The following MFSD12 variants were observed in gnomAD, a reference collection of about 807,000 sequenced individuals.
MFSD12 encodes major facilitator superfamily domain containing 12, also known as major facilitator superfamily domain-containing protein 12.
In MFSD12, 67 loss-of-function variants were observed where a neutral mutation model predicts 51.2. The ratio of observed to expected loss-of-function variants is 1.31; its 90% CI spans 1.08 to 1.60. The LOEUF (loss-of-function observed/expected upper bound fraction) is 1.60. Ranked by LOEUF, MFSD12 falls within the 40% of genes most tolerant of loss-of-function variation. MFSD12 has a pLI of 0.00. For missense variants in MFSD12, 921 were observed against 673.0 expected (o/e 1.37, Z -4.08); for synonymous variants, 441 against 316.7 (o/e 1.39, Z -4.17).
chr19:3,553,496 C>T (rs908592068), intron 1 of MFSD12, among the ~76,000 whole-genome samples: 5 of 148,848 alleles, frequency 3.4e-5, no homozygotes, highest in African/African-American at 9.9e-5. Context: ...AGGCCGGGCG[C>T]GGTGGCTCAC....
downstream of MFSD12, chr19:3,541,840 GCT>G (rs2030443688): frequency 2.1e-6 from 2 of 964,950 alleles, no homozygotes; most frequent in Non-Finnish European, 2.5e-6. Flanking sequence ...ACAGAGTCTC[GCT>G]CTCTCACCCA....
chr19:3,540,448 G>C (rs959493822), downstream of MFSD12, among the ~76,000 whole-genome samples: 2 of 151,424 alleles, frequency 1.3e-5, no homozygotes, highest in Non-Finnish European at 2.9e-5. Context: ...AGTAGAGACG[G>C]GGTTTCACCA....
intron 2 of MFSD12, among the ~76,000 whole-genome samples, chr19:3,549,520 C>T (rs1214317360): frequency 5.3e-5 from 8 of 151,644 alleles, no homozygotes; most frequent in African/African-American, 9.7e-5. Flanking sequence ...GTCAGGAGTT[C>T]GAGACCAGCC....
chr19:3,547,673 C>T lies in MFSD12; in HGVS notation c.838-126G>A, dbSNP rs2031186855. 107 of 1,172,084 alleles carry T rather than the reference C, an allele frequency of 9.1e-5. 3 individuals are homozygous for T. The South Asian group carries it at 1.5e-3, about 17-fold the overall frequency. The allele number at this position is 1,172,084 out of a possible 1,614,324, so 72.6% of individuals were successfully genotyped here. On this transcript the variant is annotated intron_variant, in intron 4 of 9. Coordinates refer to ENST00000355415, the MANE Select transcript of MFSD12 (RefSeq NM_174983.5). ...CATTTGATCCATTGGTAGTGACTGC[C>T]CAGTGGGGTGGGCCAGGAAGAGGAG...
In MFSD12 at chr19:3,546,270, G is replaced by C; in HGVS notation, c.1179C>G (p.Leu393=). ...CCAGCCCTACCGTGTGGGGACCGAT[G>C]AGGTCGGCCGTCATGGCCAGCGAGG... ...LVTSLAMTAD[L]IGPHTNSGAF... is the part of the protein sequence containing the mutation. The change falls in exon 7 of 10, where the codon CTC becomes CTG. Residue 393 remains leucine (L), a synonymous_variant. Coordinates refer to ENST00000355415, the MANE Select transcript of MFSD12 (RefSeq NM_174983.5). The C allele has an allele frequency of 6.2e-7, 1 of 1,610,814 alleles. No individual in the cohort carries two copies. Among genetic ancestry groups the C allele is most frequent in the Non-Finnish European group, 8.5e-7 (1 of 1,179,130 alleles).
Position 3,547,681 on chromosome 19 carries a change from G to T in MFSD12, c.838-134C>A, listed in dbSNP as rs889392477. On this transcript the variant is annotated intron_variant, in intron 4 of 9. Coordinates refer to ENST00000355415, the MANE Select transcript of MFSD12 (RefSeq NM_174983.5). ...CCATTGGTAGTGACTGCCCAGTGGG[G>T]TGGGCCAGGAAGAGGAGAGCAGCAC... 6.8e-6 allele frequency: 8 copies of T among 1,167,986 alleles called. No individual in the cohort carries two copies. In the African/African-American group the frequency reaches 1.1e-4, roughly 16 times the overall value. The allele number at this position is 1,167,986 out of a possible 1,614,324, so 72.4% of individuals were successfully genotyped here. A position where few individuals can be genotyped will look rare whatever the true frequency, so the allele number is the denominator to read the frequency against.
chr19:3,551,219 G>C lies in MFSD12; in HGVS notation c.299-25C>G, dbSNP rs754102411. 6.4e-7 allele frequency: 1 copy of C among 1,555,808 alleles called. No individual in the cohort carries two copies. On this transcript the variant is annotated intron_variant, in intron 1 of 9. Transcript: ENST00000355415. This position sits in a 1 kb window ranked among gnomAD's most constrained non-coding sequence, Gnocchi z 4.6. ...CCTGTGGAAGGCAGAGTGGTCAGTC[G>C]CGGGGCTGTCCCGCACCAGCCAGGG...
chr19:3,540,270 T>C (rs903531994), downstream of MFSD12, among the ~76,000 whole-genome samples: 15 of 151,762 alleles, frequency 9.9e-5, no homozygotes, highest in African/African-American at 3.6e-4. Flanking sequence ...TTTTTGTTTT[T>C]TTTTTTGGAC....
At chr19:3,555,524 G>C (rs533258968) in intron 1 of MFSD12, among the ~76,000 whole-genome samples, 32 of 152,278 alleles carry the variant, frequency 2.1e-4, no homozygotes, top group African/African-American at 6.5e-4. Flanking sequence ...AGGGACAGCC[G>C]GTCCCCTCCC....
intron 8 of MFSD12, among the ~76,000 whole-genome samples, chr19:3,545,174 T>C (rs1460998349): frequency 6.6e-6 from 1 of 152,174 alleles, no homozygotes; most frequent in Non-Finnish European, 1.5e-5. Flanking sequence ...TGTCTCCTCA[T>C]GGTCCAGCCC....
chr19:3,538,592 G>A (rs541055996), exon 5 of MFSD12: 11 of 428,076 alleles, frequency 2.6e-5, no homozygotes, highest in East Asian at 7.1e-5. Flanking sequence ...AGGTGCATCC[G>A]CACTGTGGCC....
At chr19:3,550,272 A>G (rs2145206516) in intron 2 of MFSD12, among the ~76,000 whole-genome samples, 1 of 151,238 alleles carries the variant, frequency 6.6e-6, no homozygotes. Context: ...GTGATGGCTG[A>G]GTGTGGTGGC....
chr19:3,547,952 G>A lies in MFSD12; in HGVS notation c.733C>T (p.Pro245Ser), dbSNP rs1373302891. The stretch of plus-strand genomic sequence containing the variant: ...TGCTCGCCTGGCTCCTCCGCATGCG[G>A]CCGGCGCCTCTCCCGGGTGCCCAGG... ...FHLGTRERRR[P>S]HAEEPGEHTP... Residue 245 changes from proline to serine, a missense_variant, in exon 4 of 10, where the codon CCG becomes TCG. Physicochemically the swap from Pro to Ser is moderately conservative, Grantham distance 74. Transcript: ENST00000355415. The A allele has an allele frequency of 5.0e-6, 8 of 1,595,672 alleles. No homozygotes were observed. Among genetic ancestry groups the A allele is most frequent in the Non-Finnish European group, 6.8e-6 (8 of 1,177,662 alleles).
At chr19:3,547,209 G>A (rs2031134942) in intron 6 of MFSD12, 63 bp downstream of exon 6, 8 of 1,411,500 alleles carry the variant, frequency 5.7e-6, no homozygotes, top group Non-Finnish European at 8.0e-6. Context: ...CGGAGCGGGT[G>A]GGATCTCGGC....
At position 3,544,244 on chromosome 19, in the gene MFSD12, C is replaced by G. The variant is rs2030737956; in HGVS notation, c.*466G>C. 2.3e-6 allele frequency: 3 copies of G among 1,321,702 alleles called. No homozygotes were observed. The allele number at this position is 1,321,702 out of a possible 1,614,324, so 81.9% of individuals were successfully genotyped here. The stretch of plus-strand genomic sequence containing the variant: ...CTGCCAGCAGAGTCCACCAAGCCTG[C>G]CGGGCAGCCCTGCTGCCCACCACGG... On this transcript the variant is annotated 3_prime_UTR_variant, in exon 10 of 10. Transcript: ENST00000355415.
At position 3,557,226 on chromosome 19, in the gene MFSD12, G is replaced by C. The variant is rs1161445546; in HGVS notation, c.178C>G (p.Leu60Val). Residue 60 changes from leucine to valine, a missense_variant, in exon 1 of 10, where the codon CTG becomes GTG. Coordinates refer to ENST00000355415, the MANE Select transcript of MFSD12 (RefSeq NM_174983.5). ...GCCACCTGGCCCAGCAGCAGCAGCA[G>C]CCCCGCGCCGCGGGAGCTGTAGGCG... Reference protein sequence around the residue: ...VRAYSSRGAGLLLLLGQVADG... With the variant: ...VRAYSSRGAGVLLLLGQVADG... The C allele has an allele frequency of 1.3e-6, 2 of 1,588,474 alleles. No homozygotes were observed. Among genetic ancestry groups the C allele is most frequent in the Admixed American group, 1.8e-5 (1 of 57,076 alleles).
intron 8 of MFSD12, 73 bp from the exon 9 acceptor site, chr19:3,545,012 T>G: frequency 2.0e-6 from 3 of 1,509,390 alleles, no homozygotes; most frequent in Non-Finnish European, 2.7e-6. Flanking sequence ...AACCTGTGCC[T>G]CCCCTCACCC....
intron 4 of MFSD12, 149 bp from the exon 5 acceptor site, chr19:3,547,696 G>C: frequency 5.9e-6 from 7 of 1,180,764 alleles, no homozygotes; most frequent in Non-Finnish European, 8.2e-6. Flanking sequence ...CCAGGAAGAG[G>C]AGAGCAGCAC....
intron 4 of MFSD12, chr19:3,539,067 A>G: frequency 5.8e-6 from 4 of 689,376 alleles, no homozygotes; most frequent in East Asian, 5.4e-5. Flanking sequence ...CTCACCCCGC[A>G]GCTGGGAGGA....
Sources: gnomAD v4.1 joint callset for allele counts (sites outside exome capture counted in the v4.1 genomes callset) on GRCh38, gnomAD v4.1.1 for gene constraint, Gnocchi (gnomAD v3.1) non-coding constraint, MANE v1.5 for transcripts, NCBI Gene and HGNC (gene_info 2026-07-23, HGNC 2026-07-21) for gene names.